ARHGAP31: variants seen among roughly 807,000 people sequenced by gnomAD.
ARHGAP31 encodes the protein Rho GTPase activating protein 31.
Under a neutral mutation model 113.9 loss-of-function variants are expected in ARHGAP31, and 34 were observed. That is an observed-to-expected ratio of 0.30 (90% CI 0.23 to 0.40). The LOEUF (loss-of-function observed/expected upper bound fraction) is 0.40. Among genes scored for constraint, ARHGAP31 ranks in the 10% least tolerant of loss-of-function variants. ARHGAP31 has a pLI of 1.00. For missense variants in ARHGAP31, 1,548 were observed against 1,767.1 expected (o/e 0.88, Z 2.22); for synonymous variants, 650 against 684.8 (o/e 0.95, Z 0.79).
intron 4 of ARHGAP31, among the ~76,000 whole-genome samples, chr3:119,381,653 G>A (rs1341122760): frequency 1.3e-5 from 2 of 152,130 alleles, no homozygotes; most frequent in Non-Finnish European, 2.9e-5. Context: ...CTGCTTGGAG[G>A]CCATCCTGCC....
chr3:119,357,420 G>T (rs2080167694), intron 1 of ARHGAP31, among the ~76,000 whole-genome samples: 1 of 152,212 alleles, frequency 6.6e-6, no homozygotes, highest in Non-Finnish European at 1.5e-5. Context: ...CCTGTGTGGG[G>T]CTGAGAGGGA....
At chr3:119,354,566 G>C (rs2080139430) in intron 1 of ARHGAP31, among the ~76,000 whole-genome samples, 1 of 151,616 alleles carries the variant, frequency 6.6e-6, no homozygotes, top group South Asian at 2.1e-4. Flanking sequence ...AAAGTGCAGT[G>C]GTGCCATCTC....
chr3:119,381,492 A>G (rs758952538), intron 4 of ARHGAP31, among the ~76,000 whole-genome samples: 2 of 152,144 alleles, frequency 1.3e-5, no homozygotes, highest in Non-Finnish European at 2.9e-5. Context: ...ATCTTTTACA[A>G]GGGGGCAGAT....
intron 1 of ARHGAP31, among the ~76,000 whole-genome samples, chr3:119,358,593 T>C (rs1381666538): frequency 1.3e-5 from 2 of 152,178 alleles, no homozygotes; most frequent in South Asian, 2.1e-4. Context: ...TGGAAATAAC[T>C]CAAATTTCTA....
intron 1 of ARHGAP31, among the ~76,000 whole-genome samples, chr3:119,332,604 T>TTCTCTCTCTCTC (rs34228523): frequency 4.7e-5 from 5 of 105,902 alleles, no homozygotes; most frequent in South Asian, 3.6e-4. Flanking sequence ...CTCTCTCTCT[T>TTCTCTCTCTCTC]TCTCTCTCTC....
chr3:119,306,800 TTGAGAAACAC>T (rs2079634035), intron 1 of ARHGAP31, among the ~76,000 whole-genome samples: 1 of 152,172 alleles, frequency 6.6e-6, no homozygotes, highest in South Asian at 2.1e-4. Context: ...TGATCTCACT[TTGAGAAACAC>T]TGACTTAGCA....
At chr3:119,377,255 C>T (rs1430039166) in intron 3 of ARHGAP31, among the ~76,000 whole-genome samples, 1 of 152,118 alleles carries the variant, frequency 6.6e-6, no homozygotes, top group Non-Finnish European at 1.5e-5. Flanking sequence ...ATGGAAGGGA[C>T]AGATGATACC....
At position 119,414,505 on chromosome 3, in the gene ARHGAP31, G is replaced by A; in HGVS notation, c.2576G>A (p.Cys859Tyr). ...AATGCTGCTTCTGAGGGGAAAGGCT[G>A]TGGTTTTCCAAGCCCAACCAGGGAG... Reference protein sequence around the residue: ...SKNAASEGKGCGFPSPTREVE... With the variant: ...SKNAASEGKGYGFPSPTREVE... Residue 859 changes from cysteine to tyrosine, a missense_variant, in exon 12 of 12, where the codon TGT (cysteine) becomes TAT (tyrosine). Physicochemically the swap from Cys to Tyr is radical, Grantham distance 194. Transcript: ENST00000264245. 6.2e-7 allele frequency: 1 copy of A among 1,614,232 alleles called. No individual in the cohort carries two copies. The highest frequency in any genetic ancestry group is 8.5e-7 in the Non-Finnish European group (1 of 1,180,034).
At chr3:119,302,343 T>C (rs945791762) in intron 1 of ARHGAP31, among the ~76,000 whole-genome samples, 1 of 152,240 alleles carries the variant, frequency 6.6e-6, no homozygotes, top group African/African-American at 2.4e-5. Context: ...ACAGGCTGAC[T>C]GTAATTCAGA....
chr3:119,368,564 G>A (rs766370652), intron 3 of ARHGAP31, 48 bp downstream of exon 3: 9 of 1,605,790 alleles, frequency 5.6e-6, no homozygotes, highest in Non-Finnish European at 7.7e-6. Flanking sequence ...ATGCATGGAT[G>A]GGCCAAGAAG....
chr3:119,320,028 TTCTACA>T (rs573855213), intron 1 of ARHGAP31, among the ~76,000 whole-genome samples: 71 of 152,334 alleles, frequency 4.7e-4, no homozygotes, highest in Non-Finnish European at 8.2e-4. Context: ...GCTTGGTAAA[TTCTACA>T]TCTACCCCAC....
At chr3:119,318,527 C>A (rs1481362333) in intron 1 of ARHGAP31, among the ~76,000 whole-genome samples, 1 of 152,108 alleles carries the variant, frequency 6.6e-6, no homozygotes, top group East Asian at 1.9e-4. Flanking sequence ...TTAAACCTTA[C>A]CTTAGTTAGC....
At chr3:119,367,815 C>A (rs2080262612) in intron 2 of ARHGAP31, among the ~76,000 whole-genome samples, 1 of 148,384 alleles carries the variant, frequency 6.7e-6, no homozygotes, top group Non-Finnish European at 1.5e-5. Flanking sequence ...CAAGATTGTG[C>A]TGCTACACTC....
chr3:119,391,846 G>A (rs1198126313), intron 7 of ARHGAP31, among the ~76,000 whole-genome samples: 2 of 152,106 alleles, frequency 1.3e-5, no homozygotes, highest in Admixed American at 1.3e-4. Flanking sequence ...AACTCACCTG[G>A]TGAGAAACCC....
chr3:119,402,599 T>C (rs1291378213), intron 10 of ARHGAP31, among the ~76,000 whole-genome samples: 1 of 152,262 alleles, frequency 6.6e-6, no homozygotes, highest in Non-Finnish European at 1.5e-5. Flanking sequence ...TTTCTTAATC[T>C]GTAAAATGGG....
At position 119,338,724 on chromosome 3, in the gene ARHGAP31, A is replaced by G. The variant is rs560952977; in HGVS notation, c.101-26592A>G. Among the ~76,000 whole-genome samples the G allele has an allele frequency of 3.9e-5, 6 of 152,368 alleles. 1 individual carries two copies. In the South Asian group the frequency reaches 8.3e-4, roughly 21 times the overall value. On this transcript the variant is annotated intron_variant, in intron 1 of 11. Transcript: ENST00000264245. ...GTTTTAGTTTTATTTTAAAACTAAA[A>G]AGCAAAATCAGAAAATACCAATGAT... is the stretch of plus-strand genomic sequence containing the variant.
At chr3:119,383,037 G>A (rs746065771) in intron 5 of ARHGAP31, 47 bp from the exon 6 acceptor site, 7 of 1,578,048 alleles carry the variant, frequency 4.4e-6, no homozygotes, top group East Asian at 2.2e-5. Context: ...GCTGCTTCAG[G>A]TTGTAAGGCA....
intron 1 of ARHGAP31, among the ~76,000 whole-genome samples, chr3:119,323,068 C>G (rs946682581): frequency 1.3e-5 from 2 of 152,250 alleles, no homozygotes; most frequent in African/African-American, 4.8e-5. Flanking sequence ...GCTCGAAAGA[C>G]GGTGGCGCTG....
At chr3:119,309,616 C>T (rs369354669) in intron 1 of ARHGAP31, among the ~76,000 whole-genome samples, 1 of 152,006 alleles carries the variant, frequency 6.6e-6, no homozygotes, top group South Asian at 2.1e-4. Flanking sequence ...AAATATTAGC[C>T]AGGCATGGTG....
Sources: allele counts gnomAD v4.1 joint callset (sites outside exome capture counted in the v4.1 genomes callset), GRCh38; gene constraint gnomAD v4.1.1; transcripts MANE v1.5; gene names NCBI Gene and HGNC (gene_info 2026-07-23, HGNC 2026-07-21).